Variants in FSD2 observed in about 807,000 individuals in gnomAD.
FSD2 encodes the protein fibronectin type III and SPRY domain-containing protein 2.
Under a neutral mutation model 80.4 loss-of-function variants are expected in FSD2, and 71 were observed. That is an observed-to-expected ratio of 0.88 (90% CI 0.73 to 1.08). FSD2 has a LOEUF of 1.08. Among genes scored for constraint, FSD2 ranks in the 50% least tolerant of loss-of-function variants. The pLI is 0.00. For synonymous variants in FSD2, 361 were observed against 329.5 expected (o/e 1.10, Z -1.03); for missense variants, 923 against 913.8 (o/e 1.01, Z -0.13).
chr15:82,765,818 C>A, intron 10 of FSD2, 80 bp downstream of exon 10: 1 of 1,486,156 alleles, frequency 6.7e-7, no homozygotes. Flanking sequence ...ATCAATTTCC[C>A]AGTGAAGTCA....
Position 82,766,839 on chromosome 15 carries a change from T to C in FSD2, c.1554-808A>G, listed in dbSNP as rs2049435481. 2.0e-5 allele frequency among the ~76,000 whole-genome samples: 3 copies of C among 152,178 alleles called. No individual in the cohort carries two copies. The South Asian group carries it at 6.2e-4, about 31-fold the overall frequency. ...CTGTTAACCCCCTAACAGCTGCCTATTGGAAATAATCCAATGTATTTAAAT... is the reference window on the plus strand; with the variant it reads ...CTGTTAACCCCCTAACAGCTGCCTACTGGAAATAATCCAATGTATTTAAAT... On this transcript the variant is annotated intron_variant, in intron 9 of 12. Transcript: ENST00000334574.
chr15:82,786,669 G>A, intron 2 of FSD2, 63 bp from the exon 3 acceptor site: 1 of 1,604,470 alleles, frequency 6.2e-7, no homozygotes, highest in Non-Finnish European at 8.5e-7. Flanking sequence ...CTTGTAGAAG[G>A]CGTTTTAGAT....
intron 2 of FSD2, 24 bp downstream of exon 2, chr15:82,786,728 G>A: frequency 2.5e-6 from 4 of 1,610,702 alleles, no homozygotes; most frequent in Non-Finnish European, 3.4e-6. Context: ...TCAAGACAGA[G>A]AAGAACCAAG....
chr15:82,778,749 C>A lies in FSD2; in HGVS notation c.1111+17G>T. On this transcript the variant is annotated intron_variant, in intron 6 of 12. Transcript: ENST00000334574. ...GGTAGTCTGAACCTGCCGCGAAGTA[C>A]ACACACAGGTGAGCACCTGGAATGG... 2 of 1,598,288 alleles carry A rather than the reference C, an allele frequency of 1.3e-6. No homozygotes were observed. Among genetic ancestry groups the A allele is most frequent in the Non-Finnish European group, 8.5e-7 (1 of 1,172,364 alleles).
intron 3 of FSD2, 97 bp downstream of exon 3, chr15:82,786,414 G>A: frequency 1.1e-6 from 1 of 944,398 alleles, no homozygotes; most frequent in Non-Finnish European, 1.7e-6. Context: ...CACATTCTAA[G>A]AAAACAGATT....
chr15:82,768,117 G>A (rs2049466032), intron 9 of FSD2, among the ~76,000 whole-genome samples: 1 of 152,202 alleles, frequency 6.6e-6, no homozygotes, highest in Non-Finnish European at 1.5e-5. Flanking sequence ...GAGAATGAGG[G>A]GTGAACATGA....
chr15:82,758,305 T>C lies in FSD2; in HGVS notation c.*1043A>G, dbSNP rs1035712114. On this transcript the variant is annotated 3_prime_UTR_variant, in exon 13 of 13. Coordinates refer to ENST00000334574, the MANE Select transcript of FSD2 (RefSeq NM_001007122.4). ...CAGAGCTTAAGTGGCAACTGGAAAC[T>C]TGAACAGGAGAACCAGGAATGTAGC... The C allele has an allele frequency of 1.3e-5, 2 of 152,200 alleles. No individual in the cohort carries two copies. The highest frequency in any genetic ancestry group is 4.8e-5 in the African/African-American group (2 of 41,436). The allele number at this position is 152,200 out of a possible 1,614,324, so 9.4% of individuals were successfully genotyped here.
chr15:82,774,333 C>T (rs186845921), intron 6 of FSD2, among the ~76,000 whole-genome samples: 34 of 152,272 alleles, frequency 2.2e-4, no homozygotes, highest in African/African-American at 7.9e-4. Flanking sequence ...ACCTCAGCCT[C>T]CCAAAGTGCT....
intron 6 of FSD2, among the ~76,000 whole-genome samples, chr15:82,773,792 T>A (rs1255418011): frequency 1.3e-5 from 2 of 152,144 alleles, no homozygotes; most frequent in Admixed American, 1.3e-4. Context: ...CAATTGAGGA[T>A]TAAATAAATG....
At position 82,787,287 on chromosome 15, in the gene FSD2, A is replaced by T. The variant is rs1419265334; in HGVS notation, c.104T>A (p.Leu35His). The change falls in exon 2 of 13, where the codon CTC (leucine) becomes CAC (histidine). Residue 35 changes from leucine (L) to histidine (H), a missense_variant. Physicochemically the swap from Leu to His is moderately conservative, Grantham distance 99. Transcript: ENST00000334574. ...CATCCTAGTGTTCTCTTCTGGAAAGAGGTGCAGTCTGTCTTCAGAGTCATA... is the reference window on the plus strand; with the variant it reads ...CATCCTAGTGTTCTCTTCTGGAAAGTGGTGCAGTCTGTCTTCAGAGTCATA... ...DLYDSEDRLH[L>H]FPEENTRMRK... is the part of the protein sequence containing the mutation. 1 of 1,613,886 alleles carries T rather than the reference A, an allele frequency of 6.2e-7. No individual in the cohort carries two copies. The highest frequency in any genetic ancestry group is 1.7e-5 in the Admixed American group (1 of 59,990).
intron 9 of FSD2, among the ~76,000 whole-genome samples, chr15:82,768,650 C>T (rs763449816): frequency 1.3e-5 from 2 of 152,192 alleles, no homozygotes; most frequent in Non-Finnish European, 2.9e-5. Context: ...GCTAAAACAA[C>T]AACCACAACA....
intron 7 of FSD2, among the ~76,000 whole-genome samples, chr15:82,770,125 C>T (rs546833101): frequency 3.3e-5 from 5 of 152,286 alleles, no homozygotes; most frequent in Non-Finnish European, 7.3e-5. Flanking sequence ...CAATAACAAA[C>T]GATGCAAGCA....
Position 82,787,285 on chromosome 15 carries a change from A to C in FSD2, c.106T>G (p.Phe36Val), listed in dbSNP as rs1212304323. 2 of 1,613,924 alleles carry C rather than the reference A, an allele frequency of 1.2e-6. No homozygotes were observed. Among genetic ancestry groups the C allele is most frequent in the Non-Finnish European group, 1.7e-6 (2 of 1,179,888 alleles). ...LYDSEDRLHL[F>V]PEENTRMRKV... ...CTCATCCTAGTGTTCTCTTCTGGAA[A>C]GAGGTGCAGTCTGTCTTCAGAGTCA... Residue 36 changes from phenylalanine (F) to valine (V), a missense_variant, in exon 2 of 13, where the codon TTT becomes GTT. Transcript: ENST00000334574.
rs1398953893 is a variant in FSD2 at position 82,799,894 on chromosome 15, C to G, written c.-79+6072G>C. On this transcript the variant is annotated intron_variant, in intron 1 of 12. Coordinates refer to ENST00000334574, the MANE Select transcript of FSD2 (RefSeq NM_001007122.4). ...GTAAGGTAGAAGATGCCTGGATGCC[C>G]AGCTGGCCCGTGAGAGGTTGGGACA... Among the ~76,000 whole-genome samples the G allele has an allele frequency of 3.3e-5, 5 of 152,250 alleles. No individual in the cohort carries two copies. The East Asian group carries it at 9.7e-4, about 29-fold the overall frequency.
intron 3 of FSD2, among the ~76,000 whole-genome samples, chr15:82,784,230 TTTTTATTTTA>T (rs369110230): frequency 1.3e-5 from 2 of 149,274 alleles, no homozygotes; most frequent in African/African-American, 2.5e-5. Context: ...TGTAAGAAGT[TTTTTATTTTA>T]TTTTATTTTA....
rs1567302006 is a variant in FSD2, at chr15:82,768,873, G to C, written c.1553+7C>G. The C allele has an allele frequency of 6.6e-7, 1 of 1,517,406 alleles. No homozygotes were observed. The highest frequency in any genetic ancestry group is 1.4e-5 in the African/African-American group (1 of 71,640). The allele number at this position is 1,517,406 out of a possible 1,614,324, so 94.0% of individuals were successfully genotyped here. A position where few individuals can be genotyped will look rare whatever the true frequency, so the allele number is the denominator to read the frequency against. On this transcript the variant is annotated splice_region_variant and intron_variant, in intron 9 of 12. Transcript: ENST00000334574. Reference sequence around the variant, plus strand: ...TCTCGTGCCCAGCAAATGCCCTCATGACTCACTCAGTTACACCCGAGGCTT... The same window carrying C: ...TCTCGTGCCCAGCAAATGCCCTCATCACTCACTCAGTTACACCCGAGGCTT...
At chr15:82,803,118 C>G (rs1235986294) in intron 1 of FSD2, among the ~76,000 whole-genome samples, 2 of 152,108 alleles carry the variant, frequency 1.3e-5, no homozygotes, top group Non-Finnish European at 2.9e-5. Flanking sequence ...CTCAGAGACG[C>G]TGCTTTCCCT....
rs1567292871 is a variant in FSD2, at chr15:82,756,054, A to AT, written c.*3293_*3294insA. The AT allele has an allele frequency of 8.1e-6, 4 of 496,638 alleles. No homozygotes were observed. Among genetic ancestry groups the AT allele is most frequent in the African/African-American group, 7.7e-5 (4 of 51,622 alleles). 30.8% of individuals were successfully genotyped at this position (496,638 alleles called of 1,614,324 possible). A position where few individuals can be genotyped will look rare whatever the true frequency, so the allele number is the denominator to read the frequency against. ...TGTTTGCAAAATAAATTCAAGACCT[A>AT]CTTATCTACCAACAGCAATTACACG... On this transcript the variant is annotated 3_prime_UTR_variant, in exon 13 of 13. Coordinates refer to ENST00000334574, the MANE Select transcript of FSD2 (RefSeq NM_001007122.4).
intron 1 of FSD2, among the ~76,000 whole-genome samples, chr15:82,804,276 G>A (rs1015376948): frequency 5.3e-5 from 8 of 152,076 alleles, no homozygotes; most frequent in Admixed American, 2.0e-4. Context: ...CTCCCAGGGG[G>A]CCCAGGCAGA....
Sources: allele counts gnomAD v4.1 joint callset (sites outside exome capture counted in the v4.1 genomes callset), GRCh38; gene constraint gnomAD v4.1.1; transcripts MANE v1.5; gene names NCBI Gene and HGNC (gene_info 2026-07-23, HGNC 2026-07-21).